Variants in CNKSR2 observed in about 807,000 individuals in gnomAD.
The protein encoded by CNKSR2 is CNK homolog protein 2.
Under a neutral mutation model 84.4 loss-of-function variants are expected in CNKSR2, and 14 were observed. The ratio of observed to expected loss-of-function variants is 0.17; its 90% CI spans 0.11 to 0.26. CNKSR2 has a LOEUF of 0.26. Among genes scored for constraint, CNKSR2 ranks in the 10% least tolerant of loss-of-function variants. CNKSR2 has a pLI of 1.00. For missense variants in CNKSR2, 485 were observed against 771.2 expected (o/e 0.63, Z 4.40); for synonymous variants, 275 against 277.9 (o/e 0.99, Z 0.10).
intron 20 of CNKSR2, among the ~76,000 whole-genome samples, chrX:21,638,927 C>T (rs1021962206): frequency 9.8e-5 from 11 of 111,991 alleles, no homozygotes; most frequent in African/African-American, 3.6e-4. Context: ...AGTGATCCTC[C>T]TGTCTCGGCC....
intron 14 of CNKSR2, 171 bp from the exon 15 acceptor site, chrX:21,590,849 GAT>G (rs1271003545): frequency 6.5e-6 from 3 of 461,375 alleles, no homozygotes; most frequent in Non-Finnish European, 1.1e-5. Flanking sequence ...TTCTGATTAA[GAT>G]GTGTGTCACT....
At chrX:21,432,506 C>G (rs1457435946) in intron 2 of CNKSR2, 106 bp from the exon 3 acceptor site, 1 of 561,744 alleles carries the variant, frequency 1.8e-6, no homozygotes, top group African/African-American at 2.4e-5. Context: ...TCATTTGTAA[C>G]TCGAATGCTA....
At chrX:21,376,050 TAC>T (rs1479090580) in intron 1 of CNKSR2, among the ~76,000 whole-genome samples, 1 of 112,315 alleles carries the variant, frequency 8.9e-6, no homozygotes, top group African/African-American at 3.2e-5. Flanking sequence ...CTCGAGGTCA[TAC>T]CTGAGCAAAC....
At chrX:21,528,084 G>T (rs1385398738) in intron 10 of CNKSR2, among the ~76,000 whole-genome samples, 9 of 110,557 alleles carry the variant, frequency 8.1e-5, no homozygotes, top group Non-Finnish European at 1.7e-4. Context: ...ATAGCCATTG[G>T]AACATAACTT....
chrX:21,561,958 A>G (rs2092194046), intron 12 of CNKSR2, among the ~76,000 whole-genome samples: 1 of 109,726 alleles, frequency 9.1e-6, no homozygotes, highest in African/African-American at 3.3e-5. Context: ...CAAAATGAGC[A>G]TTGAAGCACA....
chrX:21,615,313 A>G (rs1472026368), intron 20 of CNKSR2, among the ~76,000 whole-genome samples: 1 of 112,301 alleles, frequency 8.9e-6, no homozygotes, highest in Non-Finnish European at 1.9e-5. Flanking sequence ...AACCCTGAAA[A>G]TGTAGCAAGT....
intron 20 of CNKSR2, among the ~76,000 whole-genome samples, chrX:21,617,615 C>A (rs976828498): frequency 9.0e-6 from 1 of 111,121 alleles, no homozygotes; most frequent in Non-Finnish European, 1.9e-5. Flanking sequence ...ATTTATTTTC[C>A]TTATATATCT....
At chrX:21,642,207 A>G in intron 20 of CNKSR2, 4 of 748,417 alleles carry the variant, frequency 5.3e-6, no homozygotes, top group Non-Finnish European at 6.3e-6. Flanking sequence ...TATAAAGTGT[A>G]TTCAGGTGCA....
At chrX:21,570,566 G>A (rs1258367773) in intron 13 of CNKSR2, among the ~76,000 whole-genome samples, 2 of 111,773 alleles carry the variant, frequency 1.8e-5, no homozygotes, top group Non-Finnish European at 3.8e-5. Context: ...TATATTGGAG[G>A]CCTTGCTTTC....
At chrX:21,401,958 C>G (rs963139902) in intron 1 of CNKSR2, among the ~76,000 whole-genome samples, 1 of 111,358 alleles carries the variant, frequency 9.0e-6, no homozygotes, top group Admixed American at 9.6e-5. Context: ...AAAGGACTTA[C>G]TAGTAAATGA....
intron 17 of CNKSR2, 25 bp from the exon 18 acceptor site, chrX:21,601,257 T>C (rs750298638): frequency 4.2e-5 from 41 of 968,893 alleles, no homozygotes; most frequent in Non-Finnish European, 5.8e-5. Context: ...TACAATGTTA[T>C]TGATTTTAAT....
chrX:21,595,021 T>C lies in CNKSR2; in HGVS notation c.1878T>C (p.Asp626=), dbSNP rs778867285. The C allele has an allele frequency of 1.7e-6, 2 of 1,204,492 alleles. No individual in the cohort carries two copies. The highest frequency in any genetic ancestry group is 1.1e-6 in the Non-Finnish European group (1 of 889,813). The change falls in exon 16 of 22, where the codon GAT becomes GAC. Residue 626 remains aspartate (D), a synonymous_variant. Transcript: ENST00000379510. ...GFISLPEFKI[D]RASECRKKYA... ...TTAGCCTGCCTGAATTTAAAATTGA[T>C]AGAGCCAGTGAATGCCGCAAAAAAT...
chrX:21,539,074 A>G (rs1290089754), intron 11 of CNKSR2: 1 of 112,489 alleles, frequency 8.9e-6, no homozygotes, highest in Admixed American at 9.4e-5. Flanking sequence ...AATATTAACT[A>G]TTACAAATAG....
intron 1 of CNKSR2, among the ~76,000 whole-genome samples, chrX:21,391,267 T>G (rs1441536988): frequency 8.9e-6 from 1 of 112,666 alleles, no homozygotes; most frequent in Non-Finnish European, 1.9e-5. Flanking sequence ...ACTCTGTGTG[T>G]GGGCCCCACA....
chrX:21,467,865 C>T (rs1015687818), intron 4 of CNKSR2, among the ~76,000 whole-genome samples: 3 of 110,636 alleles, frequency 2.7e-5, no homozygotes, highest in African/African-American at 9.9e-5. Flanking sequence ...AGATGTCATC[C>T]TTTCTGTCAC....
At chrX:21,616,343 T>C (rs1034311812) in intron 20 of CNKSR2, among the ~76,000 whole-genome samples, 2 of 112,071 alleles carry the variant, frequency 1.8e-5, no homozygotes, top group African/African-American at 6.5e-5. Flanking sequence ...CCAGGCACTA[T>C]TGAAAGAATG....
At chrX:21,470,094 T>C (rs2091179479) in intron 4 of CNKSR2, among the ~76,000 whole-genome samples, 1 of 111,741 alleles carries the variant, frequency 8.9e-6, no homozygotes, top group Admixed American at 9.6e-5. Flanking sequence ...ATAGAAACAT[T>C]GTCTCTAAGC....
intron 1 of CNKSR2, among the ~76,000 whole-genome samples, chrX:21,378,892 T>C (rs1318833618): frequency 8.9e-6 from 1 of 111,917 alleles, no homozygotes; most frequent in African/African-American, 3.2e-5. Flanking sequence ...CTTAAAATAA[T>C]CTAAATTTTT....
At chrX:21,580,234 CT>C (rs1389139802) in intron 13 of CNKSR2, among the ~76,000 whole-genome samples, 2 of 111,513 alleles carry the variant, frequency 1.8e-5, no homozygotes, top group Admixed American at 1.9e-4. Flanking sequence ...ACTTTTGATA[CT>C]TTTTAAAATT....
Sources: allele counts gnomAD v4.1 joint callset (sites outside exome capture counted in the v4.1 genomes callset), GRCh38; gene constraint gnomAD v4.1.1; transcripts MANE v1.5; gene names NCBI Gene and HGNC (gene_info 2026-07-23, HGNC 2026-07-21).